The following COL23A1 variants were observed in gnomAD, a reference collection of about 807,000 sequenced individuals.
COL23A1 encodes the protein collagen alpha-1(XXIII) chain.
A neutral mutation model predicts 99.3 loss-of-function variants in COL23A1; 97 were observed. The observed-to-expected ratio is 0.98, with a 90% CI of 0.83 to 1.16. The LOEUF (loss-of-function observed/expected upper bound fraction) is 1.16, where lower values mean the gene tolerates loss of function less well. Among genes scored for constraint, COL23A1 ranks in the 50% most tolerant of loss-of-function variants. The pLI, the probability that COL23A1 is intolerant of heterozygous loss-of-function variation, is 0.00. For synonymous variants in COL23A1, 320 were observed against 308.2 expected (o/e 1.04, Z -0.40); for missense variants, 762 against 757.4 (o/e 1.01, Z -0.07).
chr5:178,479,123 T>C (rs972845588), intron 2 of COL23A1, among the ~76,000 whole-genome samples: 4 of 151,906 alleles, frequency 2.6e-5, no homozygotes, highest in African/African-American at 9.7e-5. Context: ...ATGATGATGA[T>C]GACCGTGGTA....
intron 2 of COL23A1, among the ~76,000 whole-genome samples, chr5:178,498,205 AATATATATATATATATATATATATAT>A (rs1159261586): frequency 0.012 from 417 of 34,704 alleles, 23 homozygotes; most frequent in South Asian, 0.054. Flanking sequence ...TCTTTATTTA[AATATATATATATATATATATATATAT>A]ATATATATAT....
intron 2 of COL23A1, among the ~76,000 whole-genome samples, chr5:178,546,995 C>T (rs1761618026): frequency 6.6e-6 from 1 of 152,168 alleles, no homozygotes; most frequent in African/African-American, 2.4e-5. Flanking sequence ...TGCAGAGTGG[C>T]CTTCCAAGCT....
At chr5:178,449,051 C>T (rs1306944414) in intron 2 of COL23A1, among the ~76,000 whole-genome samples, 2 of 151,904 alleles carry the variant, frequency 1.3e-5, no homozygotes, top group Non-Finnish European at 2.9e-5. Context: ...GGCTGGAGTG[C>T]AGTGTTACGA....
intron 2 of COL23A1, among the ~76,000 whole-genome samples, chr5:178,533,097 G>C (rs918269343): frequency 2.6e-5 from 4 of 152,188 alleles, no homozygotes; most frequent in African/African-American, 9.7e-5. Flanking sequence ...TGCCCTACAG[G>C]GGATTCTAAG....
rs138558993 is a variant in COL23A1 at position 178,506,694 on chromosome 5, T to C, written c.361+53988A>G. ...AAGATTTTACTTAATTTATACTTCT[T>C]CCCTCACAATGAAAACCTTCTCAAA... is the stretch of plus-strand genomic sequence containing the variant. On this transcript the variant is annotated intron_variant, in intron 2 of 28. Coordinates refer to ENST00000390654, the MANE Select transcript of COL23A1 (RefSeq NM_173465.4). 9.8e-5 allele frequency among the ~76,000 whole-genome samples: 15 copies of C among 152,332 alleles called. No homozygotes were observed. The East Asian group carries it at 2.9e-3, about 29-fold the overall frequency.
chr5:178,466,961 T>C (rs1488449578), intron 2 of COL23A1, among the ~76,000 whole-genome samples: 1 of 152,224 alleles, frequency 6.6e-6, no homozygotes, highest in Non-Finnish European at 1.5e-5. Flanking sequence ...TCCCCAGCTG[T>C]AAAATGGGGA....
intron 2 of COL23A1, among the ~76,000 whole-genome samples, chr5:178,517,570 T>TG (rs1267895411): frequency 7.3e-6 from 1 of 136,350 alleles, no homozygotes; most frequent in African/African-American, 2.9e-5. Context: ...TTTTTTTTGT[T>TG]TTTTTTTTTG....
At chr5:178,373,183 A>T (rs184381522) in intron 2 of COL23A1, among the ~76,000 whole-genome samples, 1 of 152,298 alleles carries the variant, frequency 6.6e-6, no homozygotes, top group East Asian at 1.9e-4. Context: ...ACTGCCACTC[A>T]CCAGCTGGCC....
intron 2 of COL23A1, among the ~76,000 whole-genome samples, chr5:178,558,724 C>T (rs1275712027): frequency 3.9e-5 from 6 of 152,020 alleles, no homozygotes; most frequent in African/African-American, 1.4e-4. Flanking sequence ...GCATTTTACA[C>T]ATTTTGCAGA....
chr5:178,559,695 C>T (rs947022225), intron 2 of COL23A1, among the ~76,000 whole-genome samples: 10 of 145,934 alleles, frequency 6.9e-5, no homozygotes, highest in Non-Finnish European at 1.2e-4. Flanking sequence ...CCCTGCACGT[C>T]GAGAAGTCTG....
rs183135717 is a variant in COL23A1 at position 178,453,525 on chromosome 5, A to G, written c.361+107157T>C. 1.5e-3 allele frequency among the ~76,000 whole-genome samples: 234 copies of G among 152,308 alleles called. 2 individuals are homozygous for G. Among genetic ancestry groups the G allele is most frequent in the Admixed American group, 4.4e-3 (67 of 15,306 alleles). Reference sequence around the variant, plus strand: ...CTGTTAACTGCAGGATTCATCCTGAAGCACCCACGCTTCAGCTGACCAAGG... The same window carrying G: ...CTGTTAACTGCAGGATTCATCCTGAGGCACCCACGCTTCAGCTGACCAAGG... On this transcript the variant is annotated intron_variant, in intron 2 of 28. Transcript: ENST00000390654.
At position 178,388,053 on chromosome 5, in the gene COL23A1, C is replaced by T. The variant is rs573018684; in HGVS notation, c.362-81134G>A. Among the ~76,000 whole-genome samples the T allele has an allele frequency of 4.6e-5, 7 of 152,340 alleles. No homozygotes were observed. The East Asian group carries it at 5.8e-4, about 13-fold the overall frequency. ...ATGTCCACCCAGCGCACGCTCTCCA[C>T]GGTGTGATTCTTCCAGTAGGCTCAC... On this transcript the variant is annotated intron_variant, in intron 2 of 28. Transcript: ENST00000390654.
chr5:178,390,616 T>G (rs1163327113), intron 2 of COL23A1, among the ~76,000 whole-genome samples: 1 of 152,242 alleles, frequency 6.6e-6, no homozygotes, highest in Admixed American at 6.5e-5. Flanking sequence ...GAGGCTGCTG[T>G]CCTGCAATCA....
intron 2 of COL23A1, among the ~76,000 whole-genome samples, chr5:178,546,849 T>C (rs898689862): frequency 9.9e-5 from 15 of 152,006 alleles, no homozygotes; most frequent in South Asian, 2.1e-4. Context: ...ACAGCAGAGA[T>C]TGTGGGCACC....
chr5:178,436,376 A>C (rs1310875588), intron 2 of COL23A1, among the ~76,000 whole-genome samples: 1 of 142,604 alleles, frequency 7.0e-6, no homozygotes, highest in Non-Finnish European at 1.5e-5. Flanking sequence ...GAGCACGGGG[A>C]GAGGGCAAGA....
intron 2 of COL23A1, among the ~76,000 whole-genome samples, chr5:178,494,288 C>G (rs1242898603): frequency 6.6e-6 from 1 of 152,208 alleles, no homozygotes; most frequent in African/African-American, 2.4e-5. Flanking sequence ...CCAAGCCAGA[C>G]AGCACACAGC....
At chr5:178,447,522 G>T (rs1767228878) in intron 2 of COL23A1, among the ~76,000 whole-genome samples, 1 of 152,106 alleles carries the variant, frequency 6.6e-6, no homozygotes, top group Non-Finnish European at 1.5e-5. Flanking sequence ...ACTAACCATT[G>T]TGTTACAACT....
At chr5:178,583,867 A>G (rs540371) in intron 1 of COL23A1, among the ~76,000 whole-genome samples, 86,793 of 151,790 alleles carry the variant, frequency 0.57, 25,576 homozygotes, top group Middle Eastern at 0.75. Flanking sequence ...CTTTCTCCCC[A>G]ATTTTTATTT....
intron 2 of COL23A1, among the ~76,000 whole-genome samples, chr5:178,553,735 G>A (rs906179251): frequency 6.6e-6 from 1 of 152,120 alleles, no homozygotes; most frequent in African/African-American, 2.4e-5. Flanking sequence ...TTCCTTTTCT[G>A]TTTCTCTCAC....
Sources: gnomAD v4.1 joint callset for allele counts (sites outside exome capture counted in the v4.1 genomes callset) on GRCh38, gnomAD v4.1.1 for gene constraint, MANE v1.5 for transcripts, NCBI Gene and HGNC (gene_info 2026-07-23, HGNC 2026-07-21) for gene names.